Variants in RBMS3 observed in about 807,000 individuals in gnomAD.
RBMS3 encodes RNA binding motif single stranded interacting protein 3, also known as RNA-binding motif, single-stranded-interacting protein 3.
RBMS3 carries 27 observed loss-of-function variants against 66.8 expected under a neutral mutation model. The observed-to-expected ratio is 0.40, with a 90% CI of 0.30 to 0.56. The LOEUF is 0.56. Ranked by LOEUF, RBMS3 falls within the 20% of genes least tolerant of loss-of-function variation. The pLI, the probability that RBMS3 is intolerant of heterozygous loss-of-function variation, is 0.40. For missense variants in RBMS3, 513 were observed against 549.5 expected, an observed-to-expected ratio of 0.93 and a Z score of 0.66; for synonymous variants, 188 against 183.0, an observed-to-expected ratio of 1.03 and a Z score of -0.22.
intron 1 of RBMS3, among the ~76,000 whole-genome samples, chr3:29,434,524 T>C (rs2041323644): frequency 6.6e-6 from 1 of 152,208 alleles, no homozygotes; most frequent in Non-Finnish European, 1.5e-5. Flanking sequence ...TAACTGTTTT[T>C]TGTCCCTTTT....
At chr3:29,999,091 A>T (rs906834126) in intron 14 of RBMS3, among the ~76,000 whole-genome samples, 2 of 152,158 alleles carry the variant, frequency 1.3e-5, no homozygotes, top group Non-Finnish European at 2.9e-5. Flanking sequence ...CCCCATCAAA[A>T]AGTGGGCAAA....
At chr3:29,893,338 G>A (rs1347180023) in intron 8 of RBMS3, among the ~76,000 whole-genome samples, 6 of 151,426 alleles carry the variant, frequency 4.0e-5, no homozygotes, top group Admixed American at 4.0e-4. Flanking sequence ...CTTTCTTTAT[G>A]TTTCTGTTCT....
intron 4 of RBMS3, among the ~76,000 whole-genome samples, chr3:29,635,322 T>C (rs777258288): frequency 4.0e-5 from 6 of 151,894 alleles, no homozygotes; most frequent in Non-Finnish European, 7.4e-5. Context: ...ACCTGCTCTT[T>C]CTGCAGCCTT....
At chr3:29,721,583 T>C (rs994304795) in intron 4 of RBMS3, among the ~76,000 whole-genome samples, 1 of 152,172 alleles carries the variant, frequency 6.6e-6, no homozygotes, top group African/African-American at 2.4e-5. Flanking sequence ...AAAACTGCCC[T>C]GTTTCAGGGT....
At chr3:29,390,090 A>T (rs1293292128) in intron 1 of RBMS3, among the ~76,000 whole-genome samples, 1 of 152,018 alleles carries the variant, frequency 6.6e-6, no homozygotes, top group African/African-American at 2.4e-5. Context: ...CCTTGATACC[A>T]CTCCTGTGAA....
chr3:29,580,643 T>C (rs902755655), intron 3 of RBMS3, among the ~76,000 whole-genome samples: 5 of 150,882 alleles, frequency 3.3e-5, no homozygotes, highest in African/African-American at 1.2e-4. Context: ...TCTGGCACTA[T>C]CTTCCTTGTA....
rs531244919 is a variant in RBMS3, at chr3:29,622,287, G to A, written c.399+35082G>A. Among the ~76,000 whole-genome samples, 85 of 152,234 alleles carry A rather than the reference G, an allele frequency of 5.6e-4. 1 individual carries two copies. The South Asian group carries it at 0.017, about 30-fold the overall frequency. On this transcript the variant is annotated intron_variant, in intron 4 of 14. Coordinates refer to ENST00000383767, the MANE Select transcript of RBMS3 (RefSeq NM_001003793.3). ...ATCCAAATAAATATAATATAATTTT[G>A]CATTGTAAAAAATTTCGTGAAGAAA... is the stretch of plus-strand genomic sequence containing the variant.
At chr3:29,548,514 T>A (rs566274559) in intron 3 of RBMS3, among the ~76,000 whole-genome samples, 4 of 151,584 alleles carry the variant, frequency 2.6e-5, no homozygotes, top group African/African-American at 4.8e-5. Flanking sequence ...TTAAAATAAA[T>A]ATATATGATA....
intron 3 of RBMS3, among the ~76,000 whole-genome samples, chr3:29,499,637 T>A (rs924542025): frequency 2.0e-5 from 3 of 152,212 alleles, no homozygotes; most frequent in African/African-American, 7.2e-5. Flanking sequence ...GCAGTTTATT[T>A]TCACTGCTAG....
chr3:29,775,236 G>GT (rs961918991), intron 6 of RBMS3, among the ~76,000 whole-genome samples: 20 of 145,696 alleles, frequency 1.4e-4, no homozygotes, highest in African/African-American at 2.0e-4. Context: ...AGTTCTACCA[G>GT]TTTTTTTTTA....
chr3:29,947,171 G>A (rs1695380501), intron 12 of RBMS3, among the ~76,000 whole-genome samples: 1 of 151,412 alleles, frequency 6.6e-6, no homozygotes, highest in South Asian at 2.1e-4. Context: ...TTAAGATTTT[G>A]GATAATGAAC....
chr3:29,338,677 C>CCTCCT (rs1270714779), intron 1 of RBMS3, among the ~76,000 whole-genome samples: 1 of 145,628 alleles, frequency 6.9e-6, no homozygotes, highest in South Asian at 2.3e-4. Context: ...CTCCTCTCCT[C>CCTCCT]CTCCTCTCCT....
chr3:29,907,048 A>G (rs2060397781), intron 10 of RBMS3, among the ~76,000 whole-genome samples: 1 of 152,178 alleles, frequency 6.6e-6, no homozygotes, highest in African/African-American at 2.4e-5. Context: ...GGAAGCAATC[A>G]GTGACCACAT....
chr3:29,321,561 A>C (rs2035008841), intron 1 of RBMS3, among the ~76,000 whole-genome samples: 1 of 152,096 alleles, frequency 6.6e-6, no homozygotes, highest in Admixed American at 6.6e-5. Context: ...TTACATGAAG[A>C]CTCAAATATG....
At chr3:29,967,990 TTTTC>T (rs1391089009) in intron 12 of RBMS3, among the ~76,000 whole-genome samples, 4 of 152,208 alleles carry the variant, frequency 2.6e-5, no homozygotes, top group African/African-American at 7.2e-5. Flanking sequence ...ATCTTGGTTA[TTTTC>T]TTTCTTCTGC....
At chr3:29,916,357 A>C (rs1046792699) in intron 10 of RBMS3, among the ~76,000 whole-genome samples, 6 of 151,996 alleles carry the variant, frequency 3.9e-5, no homozygotes, top group East Asian at 1.9e-4. Context: ...TAAGTTTAAT[A>C]ATCTCCAGTG....
chr3:29,671,708 T>C (rs2051008367), intron 4 of RBMS3, among the ~76,000 whole-genome samples: 1 of 152,016 alleles, frequency 6.6e-6, no homozygotes, highest in African/African-American at 2.4e-5. Context: ...ATTAATGAAA[T>C]GAAGCGAGAA....
chr3:29,745,754 C>T (rs2054862946), intron 5 of RBMS3, among the ~76,000 whole-genome samples: 1 of 152,004 alleles, frequency 6.6e-6, no homozygotes, highest in African/African-American at 2.4e-5. Context: ...ATTTTTTGCC[C>T]TTCCTCAATA....
At chr3:29,997,925 C>CA (rs1553717152) in intron 14 of RBMS3, among the ~76,000 whole-genome samples, 3 of 152,168 alleles carry the variant, frequency 2.0e-5, no homozygotes, top group Non-Finnish European at 4.4e-5. Flanking sequence ...CCAGGGCAAT[C>CA]AGCCAGGAGA....
Sources: gnomAD v4.1 joint callset for allele counts (sites outside exome capture counted in the v4.1 genomes callset) on GRCh38, gnomAD v4.1.1 for gene constraint, MANE v1.5 for transcripts, NCBI Gene and HGNC (gene_info 2026-07-23, HGNC 2026-07-21) for gene names.